The following TFCP2 variants were observed in gnomAD, a reference collection of about 807,000 sequenced individuals.
The protein encoded by TFCP2 is alpha-globin transcription factor CP2.
TFCP2 carries 33 observed loss-of-function variants against 73.4 expected under a neutral mutation model. The observed-to-expected ratio is 0.45, with a 90% CI of 0.34 to 0.60. TFCP2 has a LOEUF of 0.60. Ranked by LOEUF, TFCP2 falls within the 20% of genes least tolerant of loss-of-function variation. TFCP2 has a pLI of 0.01. For missense variants in TFCP2, 352 were observed against 604.0 expected (o/e 0.58, Z 4.37); for synonymous variants, 193 against 211.6 (o/e 0.91, Z 0.76).
chr12:51,172,270 A>C, intron 1 of TFCP2, 31 bp downstream of exon 1: 1 of 1,611,876 alleles, frequency 6.2e-7, no homozygotes, highest in Non-Finnish European at 8.5e-7. Flanking sequence ...TGTTATTCAG[A>C]AGGTGTAGGG....
At chr12:51,126,339 C>T (rs567997269) in intron 1 of TFCP2, among the ~76,000 whole-genome samples, 4 of 151,956 alleles carry the variant, frequency 2.6e-5, no homozygotes, top group Non-Finnish European at 5.9e-5. Context: ...AAATCCACAC[C>T]TCAGCATGGA....
chr12:51,104,315 G>T, intron 8 of TFCP2, 112 bp from the exon 9 acceptor site: 1 of 880,474 alleles, frequency 1.1e-6, no homozygotes, highest in Non-Finnish European at 1.8e-6. Flanking sequence ...AAAAATCTGT[G>T]CTCTCTCATA....
intron 8 of TFCP2, among the ~76,000 whole-genome samples, chr12:51,105,083 C>T (rs1373729190): frequency 6.6e-6 from 1 of 150,480 alleles, no homozygotes; most frequent in Non-Finnish European, 1.5e-5. Context: ...TATCTCCACA[C>T]TCCAGTTTTT....
At chr12:51,104,586 G>C (rs1271150656) in intron 8 of TFCP2, among the ~76,000 whole-genome samples, 1 of 150,962 alleles carries the variant, frequency 6.6e-6, no homozygotes, top group African/African-American at 2.4e-5. Context: ...AAAAATATCA[G>C]GATAAAAAAT....
chr12:51,170,814 G>A (rs367616937), intron 1 of TFCP2, among the ~76,000 whole-genome samples: 1 of 151,994 alleles, frequency 6.6e-6, no homozygotes, highest in African/African-American at 2.4e-5. Context: ...AAGTAGCTGG[G>A]ATTACAGGCG....
chr12:51,097,504 C>G (rs1414838949), intron 13 of TFCP2, among the ~76,000 whole-genome samples: 3 of 152,146 alleles, frequency 2.0e-5, no homozygotes, highest in African/African-American at 7.2e-5. Flanking sequence ...TCTCAGCCTC[C>G]CAAAGTGCTG....
chr12:51,115,505 C>G lies in TFCP2; in HGVS notation c.457+810G>C, dbSNP rs185260890. ...CAATATAGTGGTTTCTAAAAAAAAT[C>G]TAAGATAGAGTTACCATATGACCCA... On this transcript the variant is annotated intron_variant, in intron 4 of 14. Transcript: ENST00000257915. 3.6e-4 allele frequency among the ~76,000 whole-genome samples: 55 copies of G among 152,220 alleles called. No individual in the cohort carries two copies. The East Asian group carries it at 7.3e-3, about 20-fold the overall frequency.
At chr12:51,139,909 A>C (rs1941150627) in intron 1 of TFCP2, among the ~76,000 whole-genome samples, 1 of 152,234 alleles carries the variant, frequency 6.6e-6, no homozygotes, top group African/African-American at 2.4e-5. Context: ...ATGTTAAATG[A>C]TGTGCCCAAG....
At chr12:51,125,351 C>A in intron 1 of TFCP2, 3 of 497,444 alleles carry the variant, frequency 6.0e-6, no homozygotes, top group South Asian at 4.7e-5. Flanking sequence ...CACAGGTCTC[C>A]TGCAACAGCT....
intron 1 of TFCP2, chr12:51,125,027 T>C: frequency 1.3e-6 from 1 of 741,282 alleles, no homozygotes; most frequent in Non-Finnish European, 2.5e-6. Flanking sequence ...GAGCCACCAC[T>C]GACTTGAGGA....
chr12:51,126,391 A>T (rs151173310), intron 1 of TFCP2, among the ~76,000 whole-genome samples: 2 of 152,154 alleles, frequency 1.3e-5, no homozygotes, highest in Non-Finnish European at 2.9e-5. Context: ...AACAGAAGCA[A>T]TATCAGGAGT....
intron 1 of TFCP2, among the ~76,000 whole-genome samples, chr12:51,119,610 A>T (rs1249951600): frequency 6.6e-6 from 1 of 151,642 alleles, no homozygotes; most frequent in Non-Finnish European, 1.5e-5. Context: ...CCTAGCTGGG[A>T]GTGGTGGCGC....
chr12:51,157,129 C>A (rs1038212089), intron 1 of TFCP2, among the ~76,000 whole-genome samples: 2 of 151,868 alleles, frequency 1.3e-5, no homozygotes, highest in African/African-American at 4.8e-5. Flanking sequence ...GATTCTCCTG[C>A]CTCAGCCTCC....
intron 1 of TFCP2, among the ~76,000 whole-genome samples, chr12:51,170,828 G>A (rs1299682248): frequency 1.3e-5 from 2 of 151,896 alleles, no homozygotes; most frequent in African/African-American, 2.4e-5. Flanking sequence ...ACAGGCGTGC[G>A]CCACCACACC....
Position 51,098,899 on chromosome 12 carries a change from T to C in TFCP2, c.1296A>G (p.Leu432=). 6.2e-7 allele frequency: 1 copy of C among 1,614,134 alleles called. No individual in the cohort carries two copies. The highest frequency in any genetic ancestry group is 2.2e-5 in the East Asian group (1 of 44,868). Residue 432 remains leucine, a synonymous_variant, in exon 13 of 15, where the codon CTA becomes CTG. Transcript: ENST00000257915. The part of the protein sequence containing the change: ...GTFFVYHAIY[L]EELTAVELTE... ...TCAATTCAACAGCTGTTAGTTCTTC[T>C]AGATAGATAGCATGGTAAACTGCAA...
chr12:51,133,718 G>T (rs562165143), intron 1 of TFCP2, among the ~76,000 whole-genome samples: 165 of 152,240 alleles, frequency 1.1e-3, no homozygotes, highest in Non-Finnish European at 1.6e-3. Context: ...CTTAAGGTCA[G>T]GAGTTTGAGA....
At chr12:51,166,520 A>ATGGGTGG (rs1941761297) in intron 1 of TFCP2, among the ~76,000 whole-genome samples, 1 of 152,100 alleles carries the variant, frequency 6.6e-6, no homozygotes, top group African/African-American at 2.4e-5. Flanking sequence ...GAGACCACCA[A>ATGGGTGG]TCCCTCAACT....
At chr12:51,157,439 C>T (rs4768974) in intron 1 of TFCP2, among the ~76,000 whole-genome samples, 140,267 of 151,976 alleles carry the variant, frequency 0.92, 65,034 homozygotes, top group Non-Finnish European at 0.97. Context: ...CCTCAGCCTT[C>T]CGAGTAGCTA....
intron 1 of TFCP2, among the ~76,000 whole-genome samples, chr12:51,139,083 T>C (rs1941130988): frequency 6.6e-6 from 1 of 152,178 alleles, no homozygotes. Flanking sequence ...TAAATTTGTA[T>C]TTCTAAGGAT....
Sources: gnomAD v4.1 joint callset for allele counts (sites outside exome capture counted in the v4.1 genomes callset) on GRCh38, gnomAD v4.1.1 for gene constraint, MANE v1.5 for transcripts, NCBI Gene and HGNC (gene_info 2026-07-23, HGNC 2026-07-21) for gene names.